Variants in FARSB observed in about 807,000 individuals in gnomAD.
FARSB encodes phenylalanine--tRNA ligase beta subunit.
In FARSB, 40 loss-of-function variants were observed where a neutral mutation model predicts 69.6. The observed-to-expected ratio is 0.57, with a 90% CI of 0.45 to 0.75. FARSB has a LOEUF of 0.75. FARSB is among the 30% of genes least tolerant of loss of function. The pLI, the probability that FARSB is intolerant of heterozygous loss-of-function variation, is 0.00. For synonymous variants in FARSB, 235 were observed against 247.2 expected, an observed-to-expected ratio of 0.95 and a Z score of 0.46; for missense variants, 632 against 722.9, an observed-to-expected ratio of 0.87 and a Z score of 1.44.
chr2:222,584,930 C>A (rs1157919186), intron 16 of FARSB, among the ~76,000 whole-genome samples: 2 of 152,216 alleles, frequency 1.3e-5, no homozygotes, highest in African/African-American at 4.8e-5. Context: ...CATAGCTGAA[C>A]AAAAGGCAGC....
At chr2:222,632,056 C>T (rs536858137) in intron 7 of FARSB, among the ~76,000 whole-genome samples, 5 of 151,784 alleles carry the variant, frequency 3.3e-5, no homozygotes, top group East Asian at 1.9e-4. Flanking sequence ...TGCAATGGCA[C>T]GACATGGTGC....
chr2:222,588,914 T>A (rs1207411525), intron 16 of FARSB, among the ~76,000 whole-genome samples: 2 of 152,032 alleles, frequency 1.3e-5, no homozygotes, highest in African/African-American at 4.8e-5. Context: ...AGAATCAATA[T>A]CGTGAAAATG....
intron 15 of FARSB, among the ~76,000 whole-genome samples, chr2:222,611,986 C>T (rs1282023256): frequency 6.6e-6 from 1 of 152,162 alleles, no homozygotes; most frequent in Admixed American, 6.5e-5. Context: ...ATTAACCTAA[C>T]CCTGATTTAT....
chr2:222,642,797 G>A, intron 3 of FARSB, 54 bp downstream of exon 3: 2 of 1,361,094 alleles, frequency 1.5e-6, no homozygotes, highest in Admixed American at 2.2e-5. Flanking sequence ...ATAATGACAA[G>A]GAAAGAAAAG....
In FARSB at chr2:222,624,792, T is replaced by C; in HGVS notation, c.901-17A>G. 1 of 1,509,832 alleles carries C rather than the reference T, an allele frequency of 6.6e-7. No individual in the cohort carries two copies. The highest frequency in any genetic ancestry group is 9.1e-7 in the Non-Finnish European group (1 of 1,094,868). The allele number at this position is 1,509,832 out of a possible 1,614,324, so 93.5% of individuals were successfully genotyped here. On this transcript the variant is annotated splice_polypyrimidine_tract_variant and intron_variant, in intron 10 of 16. Coordinates refer to ENST00000281828, the MANE Select transcript of FARSB (RefSeq NM_005687.5). ...AGCTAATTCCTTAAATAGAAAGAGT[T>C]TAAAAAGTAAATCATTTCCCATCAG...
intron 13 of FARSB, among the ~76,000 whole-genome samples, chr2:222,623,039 A>C (rs1422781109): frequency 6.6e-6 from 1 of 152,038 alleles, no homozygotes; most frequent in Non-Finnish European, 1.5e-5. Flanking sequence ...TTGAATGCTC[A>C]AGAACTACAT....
intron 3 of FARSB, among the ~76,000 whole-genome samples, chr2:222,642,644 G>A (rs553194663): frequency 6.6e-6 from 1 of 152,306 alleles, no homozygotes; most frequent in African/African-American, 2.4e-5. Context: ...TCTCAAAGAT[G>A]AATGGCTATG....
At chr2:222,611,275 A>G (rs2106207735) in intron 15 of FARSB, among the ~76,000 whole-genome samples, 1 of 152,304 alleles carries the variant, frequency 6.6e-6, no homozygotes, top group Admixed American at 6.5e-5. Flanking sequence ...TGGTGTAATT[A>G]TAACAAAAGA....
Position 222,570,181 on chromosome 2 carries a change from G to A in FARSB, c.*1690C>T, listed in dbSNP as rs538933774. Among the ~76,000 whole-genome samples the A allele has an allele frequency of 3.9e-5, 6 of 152,234 alleles. No homozygotes were observed. Among genetic ancestry groups the A allele is most frequent in the Non-Finnish European group, 8.8e-5 (6 of 68,018 alleles). ...GTGCTCATTCATATGTCATCTTTTGGGAAATGTTTGCTCAACTCTTGCACA... is the reference window on the plus strand; with the variant it reads ...GTGCTCATTCATATGTCATCTTTTGAGAAATGTTTGCTCAACTCTTGCACA... On this transcript the variant is annotated 3_prime_UTR_variant, in exon 17 of 17. Transcript: ENST00000281828.
chr2:222,584,649 G>A lies in FARSB; in HGVS notation c.1619-12627C>T, dbSNP rs146582429. On this transcript the variant is annotated intron_variant, in intron 16 of 16. Coordinates refer to ENST00000281828, the MANE Select transcript of FARSB (RefSeq NM_005687.5). ...ATCAGGCCACTCCCACCCTAGTACT[G>A]CCCTTTTCCAACAGTCTTAGCAAAC... Among the ~76,000 whole-genome samples the A allele has an allele frequency of 4.9e-3, 744 of 152,262 alleles. 20 individuals carry two copies. Among genetic ancestry groups the A allele is most frequent in the Non-Finnish European group, 7.6e-4 (52 of 68,028 alleles).
Position 222,639,567 on chromosome 2 carries a change from T to C in FARSB, c.455+13A>G. ...AGGGGAAGGCAAGGAAGAAAGAAAA[T>C]GCAACCACAAACCTGCAAATATTCT... On this transcript the variant is annotated intron_variant, in intron 5 of 16. Coordinates refer to ENST00000281828, the MANE Select transcript of FARSB (RefSeq NM_005687.5). The C allele has an allele frequency of 7.5e-7, 1 of 1,338,336 alleles. No individual in the cohort carries two copies. The highest frequency in any genetic ancestry group is 1.8e-4 in the Middle Eastern group (1 of 5,438). The allele number at this position is 1,338,336 out of a possible 1,614,324, so 82.9% of individuals were successfully genotyped here. A position where few individuals can be genotyped will look rare whatever the true frequency, so the allele number is the denominator to read the frequency against.
intron 15 of FARSB, among the ~76,000 whole-genome samples, chr2:222,605,969 T>A (rs1392949851): frequency 2.0e-5 from 3 of 152,172 alleles, no homozygotes; most frequent in Non-Finnish European, 4.4e-5. Context: ...TTATACTCTA[T>A]TTCATTCAAG....
chr2:222,655,561 A>G (rs1385548008), intron 1 of FARSB, among the ~76,000 whole-genome samples: 3 of 152,212 alleles, frequency 2.0e-5, no homozygotes, highest in Admixed American at 6.5e-5. Context: ...CTGACACATA[A>G]CAGGCGCTCA....
chr2:222,612,430 G>C (rs940091164), intron 15 of FARSB, among the ~76,000 whole-genome samples: 4 of 152,190 alleles, frequency 2.6e-5, no homozygotes, highest in Non-Finnish European at 4.4e-5. Context: ...GCCTTGGCTG[G>C]AGAGTTTGCC....
intron 15 of FARSB, among the ~76,000 whole-genome samples, chr2:222,612,337 T>C (rs539147402): frequency 2.0e-5 from 3 of 152,356 alleles, no homozygotes; most frequent in African/African-American, 4.8e-5. Flanking sequence ...CAATATTTTA[T>C]GCAGCCCTGG....
At chr2:222,648,817 T>C (rs1382082921) in intron 1 of FARSB, 22 bp from the exon 2 acceptor site, 18 of 1,540,014 alleles carry the variant, frequency 1.2e-5, no homozygotes, top group Middle Eastern at 1.7e-4. Flanking sequence ...AAAAAGGAGA[T>C]GGTTAATTTC....
chr2:222,647,679 C>T (rs968772038), intron 2 of FARSB, among the ~76,000 whole-genome samples: 32 of 152,226 alleles, frequency 2.1e-4, no homozygotes, highest in Non-Finnish European at 3.7e-4. Context: ...GCAGGAGAAT[C>T]GCCTGAACCC....
At chr2:222,601,415 A>G (rs1209830810) in intron 15 of FARSB, among the ~76,000 whole-genome samples, 1 of 151,588 alleles carries the variant, frequency 6.6e-6, no homozygotes, top group Non-Finnish European at 1.5e-5. Context: ...CATCTCTACA[A>G]TAATAATAAT....
intron 3 of FARSB, among the ~76,000 whole-genome samples, chr2:222,642,547 A>G (rs1401204729): frequency 6.6e-6 from 1 of 152,212 alleles, no homozygotes; most frequent in Non-Finnish European, 1.5e-5. Context: ...ACTCATTCCA[A>G]TTAGATCACG....
Sources: allele counts gnomAD v4.1 joint callset (sites outside exome capture counted in the v4.1 genomes callset), GRCh38; gene constraint gnomAD v4.1.1; transcripts MANE v1.5; gene names NCBI Gene and HGNC (gene_info 2026-07-23, HGNC 2026-07-21).